The following SEMA5A variants were observed in gnomAD, a reference collection of about 807,000 sequenced individuals.
SEMA5A encodes semaphorin 5A, also known as semaphorin-5A.
SEMA5A carries 55 observed loss-of-function variants against 135.5 expected under a neutral mutation model. The ratio of observed to expected loss-of-function variants is 0.41; its 90% CI spans 0.33 to 0.51. The LOEUF is 0.51. SEMA5A is among the 20% of genes least tolerant of loss of function. The pLI is 0.37. For missense variants in SEMA5A, 1,290 were observed against 1,419.9 expected, an observed-to-expected ratio of 0.91 and a Z score of 1.47; for synonymous variants, 580 against 546.5, an observed-to-expected ratio of 1.06 and a Z score of -0.85.
chr5:9,273,688 C>A (rs1304482065), intron 5 of SEMA5A, among the ~76,000 whole-genome samples: 1 of 152,144 alleles, frequency 6.6e-6, no homozygotes, highest in African/African-American at 2.4e-5. Flanking sequence ...CAATATTCAA[C>A]ATTCATAAAG....
intron 8 of SEMA5A, among the ~76,000 whole-genome samples, chr5:9,203,735 T>A (rs1745852137): frequency 6.6e-6 from 1 of 152,314 alleles, no homozygotes; most frequent in Admixed American, 6.5e-5. Context: ...TTGAAGTATA[T>A]CAAGTAATAT....
intron 5 of SEMA5A, among the ~76,000 whole-genome samples, chr5:9,249,957 C>A (rs970902555): frequency 1.3e-5 from 2 of 152,170 alleles, no homozygotes; most frequent in Non-Finnish European, 2.9e-5. Context: ...CAGCTCAGGA[C>A]AGGCCTCCTG....
chr5:9,127,892 T>A (rs1356322673), intron 13 of SEMA5A, among the ~76,000 whole-genome samples: 1 of 152,122 alleles, frequency 6.6e-6, no homozygotes, highest in Non-Finnish European at 1.5e-5. Context: ...GATAGAAATA[T>A]CTAAGACTGT....
intron 11 of SEMA5A, among the ~76,000 whole-genome samples, chr5:9,173,950 C>T (rs1744069020): frequency 6.6e-6 from 1 of 152,032 alleles, no homozygotes; most frequent in African/African-American, 2.4e-5. Flanking sequence ...CTGTTTAAAC[C>T]CCAGAAAATA....
intron 16 of SEMA5A, among the ~76,000 whole-genome samples, chr5:9,068,439 G>C (rs1737592426): frequency 6.6e-6 from 1 of 152,194 alleles, no homozygotes; most frequent in South Asian, 2.1e-4. Context: ...TGGGAGCTGA[G>C]TGGAGGAAGA....
At position 9,136,486 on chromosome 5, in the gene SEMA5A, G is replaced by A; in HGVS notation, c.1599+18C>T. ...CCATGGGCAGCATTTTCAGAGGATG[G>A]AGAAGGTGGGCACTCACCGGACACG... On this transcript the variant is annotated intron_variant, in intron 13 of 22. Transcript: ENST00000382496. The A allele has an allele frequency of 6.3e-7, 1 of 1,597,712 alleles. No homozygotes were observed. The highest frequency in any genetic ancestry group is 8.6e-7 in the Non-Finnish European group (1 of 1,165,102).
chr5:9,042,683 A>T lies in SEMA5A; in HGVS notation c.*214T>A. ...AATTAAAAACTTCACACCCTGGCTC[A>T]TTCAACAATGGTCAAGATTTTCACG... is the stretch of plus-strand genomic sequence containing the variant. On this transcript the variant is annotated 3_prime_UTR_variant, in exon 23 of 23. Coordinates refer to ENST00000382496, the MANE Select transcript of SEMA5A (RefSeq NM_003966.3). The T allele has an allele frequency of 1.8e-6, 1 of 542,386 alleles. No individual in the cohort carries two copies. Among genetic ancestry groups the T allele is most frequent in the Non-Finnish European group, 3.2e-6 (1 of 311,750 alleles). The allele number at this position is 542,386 out of a possible 1,614,324, so 33.6% of individuals were successfully genotyped here. A position where few individuals can be genotyped will look rare whatever the true frequency, so the allele number is the denominator to read the frequency against.
chr5:9,047,266 T>TCCATATGCAGATA (rs1325531778), intron 21 of SEMA5A, among the ~76,000 whole-genome samples: 1 of 152,212 alleles, frequency 6.6e-6, no homozygotes, highest in African/African-American at 2.4e-5. Flanking sequence ...CATGATAGTC[T>TCCATATGCAGATA]CCATATGCAG....
At chr5:9,090,487 G>A (rs1738971329) in intron 16 of SEMA5A, among the ~76,000 whole-genome samples, 1 of 152,204 alleles carries the variant, frequency 6.6e-6, no homozygotes, top group Non-Finnish European at 1.5e-5. Context: ...AACTTAAAAT[G>A]TTGAAAGAAC....
At chr5:9,472,838 G>A (rs983637865) in intron 1 of SEMA5A, among the ~76,000 whole-genome samples, 1 of 150,858 alleles carries the variant, frequency 6.6e-6, no homozygotes, top group African/African-American at 2.4e-5. Flanking sequence ...ATTATTAGAA[G>A]TATATATAAA....
chr5:9,379,708 G>T lies in SEMA5A; in HGVS notation c.124+115C>A. 5 of 1,285,658 alleles carry T rather than the reference G, an allele frequency of 3.9e-6. 1 individual carries two copies. The South Asian group carries it at 8.2e-5, about 21-fold the overall frequency. The allele number at this position is 1,285,658 out of a possible 1,614,324, so 79.6% of individuals were successfully genotyped here. A position where few individuals can be genotyped will look rare whatever the true frequency, so the allele number is the denominator to read the frequency against. ...TTTACCTTTATTTTAAACTGTGTCT[G>T]AAACAAGAGCCACTGGATTATACAG... is the stretch of plus-strand genomic sequence containing the variant. On this transcript the variant is annotated intron_variant, in intron 3 of 22. Transcript: ENST00000382496.
At chr5:9,055,232 G>A (rs554677043) in intron 18 of SEMA5A, among the ~76,000 whole-genome samples, 32 of 152,206 alleles carry the variant, frequency 2.1e-4, no homozygotes, top group Non-Finnish European at 4.4e-4. Context: ...ACTCCTGACT[G>A]TGCCTCTCTC....
At chr5:9,063,676 C>T (rs142266034) in intron 17 of SEMA5A, among the ~76,000 whole-genome samples, 109 of 152,342 alleles carry the variant, frequency 7.2e-4, no homozygotes, top group Middle Eastern at 3.4e-3. Context: ...TAGAACTGAA[C>T]ACAGCACTGA....
intron 2 of SEMA5A, among the ~76,000 whole-genome samples, chr5:9,392,610 A>T (rs1561215392): frequency 6.6e-6 from 1 of 152,144 alleles, no homozygotes; most frequent in Non-Finnish European, 1.5e-5. Flanking sequence ...GAATAACAGG[A>T]CTTAGATTAT....
intron 11 of SEMA5A, among the ~76,000 whole-genome samples, chr5:9,165,038 A>T (rs2150293407): frequency 6.6e-6 from 1 of 152,288 alleles, no homozygotes; most frequent in South Asian, 2.1e-4. Context: ...CAATGAAAAA[A>T]TTTAATGCTT....
rs553456329 is a variant in SEMA5A, at chr5:9,042,454, T to G, written c.*443A>C. Reference sequence around the variant, plus strand: ...TGTTTGGCCACATTCTTTTTCTTCATTTTATGAAATATTATGGACCTATGC... The same window carrying G: ...TGTTTGGCCACATTCTTTTTCTTCAGTTTATGAAATATTATGGACCTATGC... On this transcript the variant is annotated 3_prime_UTR_variant, in exon 23 of 23. Transcript: ENST00000382496. 1 of 159,140 alleles carries G rather than the reference T, an allele frequency of 6.3e-6. No homozygotes were observed. Among genetic ancestry groups the G allele is most frequent in the East Asian group, 1.9e-4 (1 of 5,278 alleles). 9.9% of individuals were successfully genotyped at this position (159,140 alleles called of 1,614,324 possible). A position where few individuals can be genotyped will look rare whatever the true frequency, so the allele number is the denominator to read the frequency against.
At chr5:9,497,517 C>T (rs886619394) in intron 1 of SEMA5A, among the ~76,000 whole-genome samples, 11 of 152,256 alleles carry the variant, frequency 7.2e-5, no homozygotes, top group Admixed American at 6.5e-4. Flanking sequence ...TGAGACTTGA[C>T]GTCGAGTGGC....
chr5:9,485,944 T>C (rs920505452), intron 1 of SEMA5A, among the ~76,000 whole-genome samples: 5 of 152,062 alleles, frequency 3.3e-5, no homozygotes, highest in African/African-American at 1.2e-4. Flanking sequence ...CAGGCTGCAA[T>C]GGGGAAAGCA....
intron 2 of SEMA5A, among the ~76,000 whole-genome samples, chr5:9,418,411 A>T (rs1015200947): frequency 1.3e-5 from 2 of 152,226 alleles, no homozygotes; most frequent in African/African-American, 4.8e-5. Flanking sequence ...TTGAGGGGAC[A>T]CAAACATTCA....
Sources: allele counts gnomAD v4.1 joint callset (sites outside exome capture counted in the v4.1 genomes callset), GRCh38; gene constraint gnomAD v4.1.1; transcripts MANE v1.5; gene names NCBI Gene and HGNC (gene_info 2026-07-23, HGNC 2026-07-21).